The following ASB13 variants were observed in gnomAD, a reference collection of about 807,000 sequenced individuals.
ASB13 encodes ankyrin repeat and SOCS box containing 13, also known as ankyrin repeat and SOCS box protein 13.
A neutral mutation model predicts 28.8 loss-of-function variants in ASB13; 33 were observed. That is an observed-to-expected ratio of 1.15 (90% CI 0.87 to 1.53). The LOEUF is 1.53. Among genes scored for constraint, ASB13 ranks in the 40% most tolerant of loss-of-function variants. The pLI, the probability that ASB13 is intolerant of heterozygous loss-of-function variation, is 0.00. For missense variants in ASB13, 414 were observed against 390.1 expected, an observed-to-expected ratio of 1.06 and a Z score of -0.52; for synonymous variants, 182 against 172.9, an observed-to-expected ratio of 1.05 and a Z score of -0.41.
chr10:5,645,014 G>A lies in ASB13; in HGVS notation c.518-3053C>T, dbSNP rs1454643612. Among the ~76,000 whole-genome samples the A allele has an allele frequency of 6.6e-6, 1 of 152,090 alleles. No individual in the cohort carries two copies. The highest frequency in any genetic ancestry group is 2.4e-5 in the African/African-American group (1 of 41,406). ...ACAAAGACAGGGAGCCAGGAAACAA[G>A]CAGGGAATTAAAAGCTCTGAACTTC... is the stretch of plus-strand genomic sequence containing the variant. On this transcript the variant is annotated intron_variant, in intron 4 of 5. Transcript: ENST00000357700. This position sits in a 1 kb window ranked among gnomAD's most constrained non-coding sequence, Gnocchi z 5.4.
intron 1 of ASB13, among the ~76,000 whole-genome samples, chr10:5,665,990 G>C (rs7078044): frequency 1 from 151,918 of 152,332 alleles, 75,753 homozygotes; most frequent in East Asian, 1. Context: ...GAGTGTGCCG[G>C]GGTGCCCCAA....
rs774054143 is a variant in ASB13, at chr10:5,649,072, C to T, written c.415G>A (p.Val139Ile). The T allele has an allele frequency of 9.3e-6, 15 of 1,614,068 alleles. No individual in the cohort carries two copies. The highest frequency in any genetic ancestry group is 1.1e-5 in the Non-Finnish European group (13 of 1,180,044). ...TCGTGCGCTTCCAGATTGGCCCCGA[C>T]GTCAATAAGAAGCCTCACACATTCG... The part of the protein sequence containing the change: ...SSECVRLLID[V>I]GANLEAHDCH... Residue 139 changes from valine (V) to isoleucine (I), a missense_variant, in exon 4 of 6, where the codon GTC becomes ATC. Val to Ile is a conservative substitution (Grantham distance 29). Transcript: ENST00000357700. This position sits in a 1 kb window ranked among gnomAD's most constrained non-coding sequence, Gnocchi z 6.4.
chr10:5,648,284 CAAACACCCACTCAGGT>C (rs1369739093), intron 4 of ASB13, among the ~76,000 whole-genome samples: 6 of 144,864 alleles, frequency 4.1e-5, no homozygotes, highest in African/African-American at 1.3e-4. Context: ...CCCACGTGGG[CAAACACCCACTCAGGT>C]AAACACCCAC....
Position 5,652,746 on chromosome 10 carries a change from G to A in ASB13, c.231+117C>T. 1 of 1,065,608 alleles carries A rather than the reference G, an allele frequency of 9.4e-7. No homozygotes were observed. 66.0% of individuals were successfully genotyped at this position (1,065,608 alleles called of 1,614,324 possible). On this transcript the variant is annotated intron_variant, in intron 2 of 5. Coordinates refer to ENST00000357700, the MANE Select transcript of ASB13 (RefSeq NM_024701.4). This position sits in a 1 kb window ranked among gnomAD's most constrained non-coding sequence, Gnocchi z 5.0. The stretch of plus-strand genomic sequence containing the variant: ...CAGCCATGGGCTTCCTGGTACCTGT[G>A]TGCAGTGGACACAGTGCAGCCCCCA...
At position 5,660,470 on chromosome 10, in the gene ASB13, G is replaced by C. The variant is rs1835143153; in HGVS notation, c.43+6039C>G. On this transcript the variant is annotated intron_variant, in intron 1 of 5. Coordinates refer to ENST00000357700, the MANE Select transcript of ASB13 (RefSeq NM_024701.4). This position sits in a 1 kb window ranked among gnomAD's most constrained non-coding sequence, Gnocchi z 6.1. ...GAACAGGTCAAGTGGCTCAGGGTCAGCCTACCCTCAGGGAGCAGACTCTAC... is the reference window on the plus strand; with the variant it reads ...GAACAGGTCAAGTGGCTCAGGGTCACCCTACCCTCAGGGAGCAGACTCTAC... Among the ~76,000 whole-genome samples, 1 of 152,194 alleles carries C rather than the reference G, an allele frequency of 6.6e-6. No individual in the cohort carries two copies. The highest frequency in any genetic ancestry group is 2.4e-5 in the African/African-American group (1 of 41,438).
In ASB13 at chr10:5,660,374, G is replaced by A. The variant is rs530869997; in HGVS notation, c.43+6135C>T. 1.7e-3 allele frequency among the ~76,000 whole-genome samples: 257 copies of A among 152,140 alleles called. No homozygotes were observed. The highest frequency in any genetic ancestry group is 2.6e-3 in the Non-Finnish European group (179 of 68,008). Reference sequence around the variant, plus strand: ...TCTCTTGCCCCTTTGCTGGGGCCCCGACACCCTCCCATCTAAGGCTGTGCC... The same window carrying A: ...TCTCTTGCCCCTTTGCTGGGGCCCCAACACCCTCCCATCTAAGGCTGTGCC... On this transcript the variant is annotated intron_variant, in intron 1 of 5. Coordinates refer to ENST00000357700, the MANE Select transcript of ASB13 (RefSeq NM_024701.4). The surrounding 1 kb of genome is among the most constrained non-coding windows in gnomAD (Gnocchi z 6.1).
In ASB13 at chr10:5,650,427, AG is replaced by A. The variant is rs1834966882; in HGVS notation, c.382+785del. Reference sequence around the variant, plus strand: ...ATGGAAAGACCTACGAGCAGGAATCAGGGGTGAGCCACATGCAGCCATGGCC... The same window carrying A: ...ATGGAAAGACCTACGAGCAGGAATCAGGGTGAGCCACATGCAGCCATGGCC... On this transcript the variant is annotated intron_variant, in intron 3 of 5. Coordinates refer to ENST00000357700, the MANE Select transcript of ASB13 (RefSeq NM_024701.4). This position sits in a 1 kb window ranked among gnomAD's most constrained non-coding sequence, Gnocchi z 6.0. 6.7e-6 allele frequency among the ~76,000 whole-genome samples: 1 copy of A among 148,298 alleles called. No individual in the cohort carries two copies. Among genetic ancestry groups the A allele is most frequent in the Admixed American group, 6.9e-5 (1 of 14,590 alleles).
Position 5,651,296 on chromosome 10 carries a change from C to A in ASB13, c.299G>T (p.Cys100Phe), listed in dbSNP as rs151041500. 1 of 1,614,096 alleles carries A rather than the reference C, an allele frequency of 6.2e-7. No homozygotes were observed. Among genetic ancestry groups the A allele is most frequent in the Non-Finnish European group, 8.5e-7 (1 of 1,179,996 alleles). Residue 100 changes from cysteine to phenylalanine, a missense_variant, in exon 3 of 6, where the codon TGT (cysteine) becomes TTT (phenylalanine). By Grantham distance (205) the Cys-to-Phe change is radical (BLOSUM62 -2). Coordinates refer to ENST00000357700, the MANE Select transcript of ASB13 (RefSeq NM_024701.4). The surrounding 1 kb of genome is among the most constrained non-coding windows in gnomAD (Gnocchi z 5.1). ...CCCGTAGGACAGCAAGAGCTTCACACACTCGATGCTGCCCGAGGCGCAGGC... is the reference window on the plus strand; with the variant it reads ...CCCGTAGGACAGCAAGAGCTTCACAAACTCGATGCTGCCCGAGGCGCAGGC... ...CDACASGSIE[C>F]VKLLLSYGAK... is the part of the protein sequence containing the mutation.
chr10:5,659,660 C>T lies in ASB13; in HGVS notation c.44-6610G>A, dbSNP rs1588519255. ...GGAAGCCTCCCGAGCATGCAGCCCACCCCCCCACGCCATCTCCACACTATT... is the reference window on the plus strand; with the variant it reads ...GGAAGCCTCCCGAGCATGCAGCCCATCCCCCCACGCCATCTCCACACTATT... On this transcript the variant is annotated intron_variant, in intron 1 of 5. Transcript: ENST00000357700. This position sits in a 1 kb window ranked among gnomAD's most constrained non-coding sequence, Gnocchi z 5.8. Among the ~76,000 whole-genome samples, 1 of 102,928 alleles carries T rather than the reference C, an allele frequency of 9.7e-6. No individual in the cohort carries two copies. Among genetic ancestry groups the T allele is most frequent in the South Asian group, 2.5e-4 (1 of 3,982 alleles). 67.5% of individuals were successfully genotyped at this position (102,928 alleles called of 152,430 possible).
rs1834852932 is a variant in ASB13 at position 5,644,472 on chromosome 10, G to T, written c.518-2511C>A. On this transcript the variant is annotated intron_variant, in intron 4 of 5. Transcript: ENST00000357700. The surrounding 1 kb of genome is among the most constrained non-coding windows in gnomAD (Gnocchi z 5.1). ...GATCGTACCACTGCACTCCAGCCTG[G>T]ATGACAGAGTGAGGCCCATAGTGAG... 6.6e-6 allele frequency among the ~76,000 whole-genome samples: 1 copy of T among 152,106 alleles called. No individual in the cohort carries two copies. Among genetic ancestry groups the T allele is most frequent in the Non-Finnish European group, 1.5e-5 (1 of 68,026 alleles).
At position 5,648,901 on chromosome 10, in the gene ASB13, C is replaced by T. The variant is rs548948460; in HGVS notation, c.517+69G>A. The T allele has an allele frequency of 2.1e-4, 334 of 1,592,218 alleles. 1 individual carries two copies. Among genetic ancestry groups the T allele is most frequent in the South Asian group, 5.0e-4 (45 of 89,264 alleles). ...AAACACCCACTTGGGCAAACACCCA[C>T]GCAGGTAAACACCCGCTCGGGCAAA... is the stretch of plus-strand genomic sequence containing the variant. On this transcript the variant is annotated intron_variant, in intron 4 of 5. Transcript: ENST00000357700.
In ASB13 at chr10:5,644,786, C is replaced by A. The variant is rs1298988700; in HGVS notation, c.518-2825G>T. On this transcript the variant is annotated intron_variant, in intron 4 of 5. Coordinates refer to ENST00000357700, the MANE Select transcript of ASB13 (RefSeq NM_024701.4). The surrounding 1 kb of genome is among the most constrained non-coding windows in gnomAD (Gnocchi z 5.1). ...TGAGCAGAGATCACACCACTGCACT[C>A]CAGCCTGGGTGACAGAACGAGACTC... Among the ~76,000 whole-genome samples, 1 of 151,896 alleles carries A rather than the reference C, an allele frequency of 6.6e-6. No individual in the cohort carries two copies. Among genetic ancestry groups the A allele is most frequent in the Non-Finnish European group, 1.5e-5 (1 of 67,992 alleles).
Position 5,641,829 on chromosome 10 carries a change from T to G in ASB13, c.650A>C (p.Lys217Thr), listed in dbSNP as rs532358792. The change falls in exon 5 of 6, where the codon AAG becomes ACG. Residue 217 changes from lysine (K) to threonine (T), a missense_variant. Transcript: ENST00000357700. This position sits in a 1 kb window ranked among gnomAD's most constrained non-coding sequence, Gnocchi z 8.4. ...NIYARDNRGK[K>T]PSDYTWSSSA... ...GCTGCTCCACGTGTAGTCAGACGGC[T>G]TCTTCCCGCGGTTGTCCCGGGCGTA... is the stretch of plus-strand genomic sequence containing the variant. 6.2e-7 allele frequency: 1 copy of G among 1,613,090 alleles called. No homozygotes were observed. The highest frequency in any genetic ancestry group is 1.7e-5 in the Admixed American group (1 of 59,892).
In ASB13 at chr10:5,663,153, G is replaced by C. The variant is rs959539893; in HGVS notation, c.43+3356C>G. Among the ~76,000 whole-genome samples the C allele has an allele frequency of 6.6e-6, 1 of 152,146 alleles. No individual in the cohort carries two copies. The highest frequency in any genetic ancestry group is 1.5e-5 in the Non-Finnish European group (1 of 68,022). On this transcript the variant is annotated intron_variant, in intron 1 of 5. Transcript: ENST00000357700. The surrounding 1 kb of genome is among the most constrained non-coding windows in gnomAD (Gnocchi z 4.9). ...AAAAATGCCAGTATTTGCCTTCTTA[G>C]AGGGACAAAATGGTCAAAACTCAGT...
intron 1 of ASB13, among the ~76,000 whole-genome samples, chr10:5,666,130 C>T (rs948671499): frequency 1.3e-5 from 2 of 152,214 alleles, no homozygotes; most frequent in African/African-American, 4.8e-5. Flanking sequence ...GCCTGGCTTC[C>T]CCGAGAGGGA....
rs1265017843 is a variant in ASB13, at chr10:5,645,157, G to A, written c.518-3196C>T. ...CCAGTGACGTGACGGGACCGCCTAA[G>A]ACCTTAGCACGCCAAGACTGGCACA... On this transcript the variant is annotated intron_variant, in intron 4 of 5. Coordinates refer to ENST00000357700, the MANE Select transcript of ASB13 (RefSeq NM_024701.4). The surrounding 1 kb of genome is among the most constrained non-coding windows in gnomAD (Gnocchi z 5.4). Among the ~76,000 whole-genome samples, 1 of 151,698 alleles carries A rather than the reference G, an allele frequency of 6.6e-6. No individual in the cohort carries two copies. The highest frequency in any genetic ancestry group is 1.5e-5 in the Non-Finnish European group (1 of 68,004).
rs559057869 is a variant in ASB13, at chr10:5,661,350, C to T, written c.43+5159G>A. Among the ~76,000 whole-genome samples the T allele has an allele frequency of 6.6e-6, 1 of 152,238 alleles. No homozygotes were observed. The highest frequency in any genetic ancestry group is 1.5e-5 in the Non-Finnish European group (1 of 68,044). On this transcript the variant is annotated intron_variant, in intron 1 of 5. Transcript: ENST00000357700. This position sits in a 1 kb window ranked among gnomAD's most constrained non-coding sequence, Gnocchi z 4.9. ...CCCCGCCCCGCCGAGCCTGGGGCCT[C>T]TCCAGGGTCAGGGCCCACTCCAACA...
In ASB13 at chr10:5,639,991, T is replaced by C. The variant is rs1834780386; in HGVS notation, c.*712A>G. Reference sequence around the variant, plus strand: ...CTACATATAAACTTTTTACAAGAGTTGGAGACCTAATACTGAAGACAAATT... The same window carrying C: ...CTACATATAAACTTTTTACAAGAGTCGGAGACCTAATACTGAAGACAAATT... On this transcript the variant is annotated 3_prime_UTR_variant, in exon 6 of 6. Coordinates refer to ENST00000357700, the MANE Select transcript of ASB13 (RefSeq NM_024701.4). The C allele has an allele frequency of 6.5e-6, 1 of 152,690 alleles. No individual in the cohort carries two copies. The highest frequency in any genetic ancestry group is 2.4e-5 in the African/African-American group (1 of 41,472). 9.5% of individuals were successfully genotyped at this position (152,690 alleles called of 1,614,324 possible). A position where few individuals can be genotyped will look rare whatever the true frequency, so the allele number is the denominator to read the frequency against.
chr10:5,652,817 T>C lies in ASB13; in HGVS notation c.231+46A>G. The C allele has an allele frequency of 1.4e-6, 2 of 1,469,892 alleles. No homozygotes were observed. Among genetic ancestry groups the C allele is most frequent in the Non-Finnish European group, 9.0e-7 (1 of 1,107,578 alleles). 91.1% of individuals were successfully genotyped at this position (1,469,892 alleles called of 1,614,324 possible). A position where few individuals can be genotyped will look rare whatever the true frequency, so the allele number is the denominator to read the frequency against. On this transcript the variant is annotated intron_variant, in intron 2 of 5. Transcript: ENST00000357700. This position sits in a 1 kb window ranked among gnomAD's most constrained non-coding sequence, Gnocchi z 5.0. ...TCTCCTGAGTCAACCTCCTCCATTC[T>C]GGCAGCTGCAGCCAGTCTGGGGGTC...
Sources: gnomAD v4.1 joint callset for allele counts (sites outside exome capture counted in the v4.1 genomes callset) on GRCh38, gnomAD v4.1.1 for gene constraint, Gnocchi (gnomAD v3.1) non-coding constraint, MANE v1.5 for transcripts, NCBI Gene and HGNC (gene_info 2026-07-23, HGNC 2026-07-21) for gene names.